Variants in ARFGEF2 observed in about 807,000 individuals in gnomAD.
The protein encoded by ARFGEF2 is brefeldin A-inhibited guanine nucleotide-exchange protein 2.
ARFGEF2 carries 74 observed loss-of-function variants against 219.9 expected under a neutral mutation model. That is an observed-to-expected ratio of 0.34 (90% CI 0.28 to 0.41). ARFGEF2 has a LOEUF of 0.41. ARFGEF2 is among the 10% of genes least tolerant of loss of function. The pLI is 1.00. For missense variants in ARFGEF2, 1,743 were observed against 2,218.3 expected (o/e 0.79, Z 4.30); for synonymous variants, 733 against 799.2 (o/e 0.92, Z 1.40).
In ARFGEF2 at chr20:48,971,151, C is replaced by T. The variant is rs759832026; in HGVS notation, c.1222C>T (p.Leu408=). The change falls in exon 10 of 39, where the codon CTG becomes TTG. Residue 408 remains leucine (L), a synonymous_variant. Transcript: ENST00000371917. ...TGAGCTGCGTTCCAAGGTGGTTTCC[C>T]TGCAGCTGCTCCTCTCTGTGTTGCA... ...SHELRSKVVS[L]QLLLSVLQNA... 3 of 1,614,026 alleles carry T rather than the reference C, an allele frequency of 1.9e-6. No individual in the cohort carries two copies. The African/African-American group carries it at 4.0e-5, about 22-fold the overall frequency.
rs200061894 is a variant in ARFGEF2, at chr20:48,988,645, C to G, written c.2516C>G (p.Thr839Ser). 1 of 1,613,384 alleles carries G rather than the reference C, an allele frequency of 6.2e-7. No individual in the cohort carries two copies. The highest frequency in any genetic ancestry group is 8.5e-7 in the Non-Finnish European group (1 of 1,179,768). Residue 839 changes from threonine to serine, a missense_variant, in exon 18 of 39, where the codon ACC (threonine) becomes AGC (serine). Thr to Ser is a moderately conservative substitution (Grantham distance 58, BLOSUM62 1). Around this residue, in one of 5 missense-constraint regions of ARFGEF2, gnomAD observed 666 missense variants for 955.4 expected, o/e 0.70. Transcript: ENST00000371917. ...GAAACAAAAGAGCTAACGATTGCAA[C>G]CAAATCTACTAAGCAGAGTAAGGTC... ...MKETKELTIATKSTKQNVASE... is the reference protein window; with the variant it reads ...MKETKELTIASKSTKQNVASE...
intron 25 of ARFGEF2, 82 bp downstream of exon 25, chr20:48,998,587 A>G: frequency 6.7e-7 from 1 of 1,483,896 alleles, no homozygotes; most frequent in Non-Finnish European, 9.2e-7. Flanking sequence ...AGTGATAAAT[A>G]ATTTGCCCTG....
At chr20:48,937,026 A>G (rs1600590253) in intron 1 of ARFGEF2, among the ~76,000 whole-genome samples, 1 of 152,170 alleles carries the variant, frequency 6.6e-6, no homozygotes, top group African/African-American at 2.4e-5. Context: ...AGGTTGGGCC[A>G]TATGAGACTA....
intron 3 of ARFGEF2, among the ~76,000 whole-genome samples, chr20:48,942,935 A>G (rs1029615722): frequency 5.9e-5 from 9 of 152,172 alleles, no homozygotes; most frequent in South Asian, 2.1e-4. Flanking sequence ...ATGCATTAAC[A>G]TTGAACTCAG....
intron 33 of ARFGEF2, 150 bp downstream of exon 33, chr20:49,017,700 A>G (rs2091539666): frequency 2.6e-6 from 2 of 774,604 alleles, no homozygotes; most frequent in Non-Finnish European, 4.0e-6. Context: ...TATTTTTTAG[A>G]AAGTCCAGAA....
intron 6 of ARFGEF2, among the ~76,000 whole-genome samples, chr20:48,958,663 C>CG (rs1568704586): frequency 6.6e-6 from 1 of 151,922 alleles, no homozygotes; most frequent in Non-Finnish European, 1.5e-5. Context: ...AGGATGGTCT[C>CG]GATCTCCTGA....
In ARFGEF2 at chr20:48,985,586, C is replaced by T. The variant is rs1829657952; in HGVS notation, c.2249C>T (p.Ala750Val). 1 of 1,614,202 alleles carries T rather than the reference C, an allele frequency of 6.2e-7. No individual in the cohort carries two copies. Among genetic ancestry groups the T allele is most frequent in the Admixed American group, 1.7e-5 (1 of 60,028 alleles). ...ATTGACCGATTAATGGAGAAGTTTGCCGCAAGATACATAGAATGCAACCAA... is the reference window on the plus strand; with the variant it reads ...ATTGACCGATTAATGGAGAAGTTTGTCGCAAGATACATAGAATGCAACCAA... ...QKIDRLMEKF[A>V]ARYIECNQGQ... Residue 750 changes from alanine to valine, a missense_variant, in exon 16 of 39, where the codon GCC becomes GTC. Physicochemically the swap from Ala to Val is moderately conservative, Grantham distance 64. Transcript: ENST00000371917.
chr20:49,016,228 C>T, intron 30 of ARFGEF2, 52 bp from the exon 31 acceptor site: 3 of 1,600,142 alleles, frequency 1.9e-6, no homozygotes, highest in South Asian at 1.1e-5. Context: ...CAAGAATGCC[C>T]ATCTCACTGC....
chr20:48,947,081 A>T (rs559360969), intron 3 of ARFGEF2, among the ~76,000 whole-genome samples: 1 of 152,192 alleles, frequency 6.6e-6, no homozygotes, highest in East Asian at 1.9e-4. Context: ...TCCTGCCAAT[A>T]TATTCATATT....
At chr20:48,940,992 T>A (rs1399654284) in intron 1 of ARFGEF2, among the ~76,000 whole-genome samples, 1 of 152,220 alleles carries the variant, frequency 6.6e-6, no homozygotes, top group African/African-American at 2.4e-5. Flanking sequence ...GCTAAAACAC[T>A]TACAGTAATG....
intron 1 of ARFGEF2, among the ~76,000 whole-genome samples, chr20:48,935,824 A>G (rs1600588400): frequency 8.7e-6 from 1 of 114,518 alleles, no homozygotes; most frequent in Non-Finnish European, 1.8e-5. Flanking sequence ...CGGGGGGCTG[A>G]CCCCCCAACC....
At chr20:48,958,671 T>A (rs1485655401) in intron 6 of ARFGEF2, among the ~76,000 whole-genome samples, 1 of 152,140 alleles carries the variant, frequency 6.6e-6, no homozygotes. Context: ...CTCGATCTCC[T>A]GACCTCGTGA....
intron 1 of ARFGEF2, among the ~76,000 whole-genome samples, chr20:48,926,905 C>A (rs2090880512): frequency 1.3e-5 from 2 of 152,156 alleles, no homozygotes; most frequent in South Asian, 4.1e-4. Context: ...ATCATAACAT[C>A]CATTCTTAGA....
At chr20:48,950,794 T>TAAAAAA (rs1308938052) in intron 3 of ARFGEF2, among the ~76,000 whole-genome samples, 1 of 35,928 alleles carries the variant, frequency 2.8e-5, no homozygotes, top group African/African-American at 7.8e-5. Flanking sequence ...AGACCCTGTC[T>TAAAAAA]AAAAAAAAAA....
intron 26 of ARFGEF2, 80 bp downstream of exon 26, chr20:49,005,301 A>T (rs1000808302): frequency 3.2e-6 from 5 of 1,565,928 alleles, no homozygotes; most frequent in Non-Finnish European, 4.4e-6. Flanking sequence ...TAACCACATG[A>T]TTAATTTTTT....
chr20:48,954,589 T>C (rs949603464), intron 6 of ARFGEF2, among the ~76,000 whole-genome samples: 9 of 152,248 alleles, frequency 5.9e-5, no homozygotes, highest in African/African-American at 2.2e-4. Flanking sequence ...CTGATAATGA[T>C]TTCTGTTGGT....
At chr20:48,948,290 T>C (rs2091041433) in intron 3 of ARFGEF2, among the ~76,000 whole-genome samples, 1 of 152,250 alleles carries the variant, frequency 6.6e-6, no homozygotes, top group African/African-American at 2.4e-5. Context: ...AACACCGTTA[T>C]CAGGCTCTAG....
intron 36 of ARFGEF2, among the ~76,000 whole-genome samples, chr20:49,027,856 A>G (rs896312523): frequency 4.6e-5 from 7 of 152,248 alleles, no homozygotes; most frequent in Non-Finnish European, 8.8e-5. Flanking sequence ...GGCCAGGCTC[A>G]GTGGCTCATG....
intron 6 of ARFGEF2, among the ~76,000 whole-genome samples, chr20:48,963,406 G>A (rs1282059251): frequency 6.6e-6 from 1 of 152,154 alleles, no homozygotes. Context: ...GTGAGAAGGC[G>A]AAGCAGCAGA....
Sources: allele counts gnomAD v4.1 joint callset (sites outside exome capture counted in the v4.1 genomes callset), GRCh38; gene constraint gnomAD v4.1.1; regional missense constraint gnomAD v4.1.1; transcripts MANE v1.5; gene names NCBI Gene and HGNC (gene_info 2026-07-23, HGNC 2026-07-21).